The following MAGI2 variants were observed in gnomAD, a reference collection of about 807,000 sequenced individuals.
MAGI2 encodes the protein membrane associated guanylate kinase, WW and PDZ domain containing 2.
MAGI2 carries 35 observed loss-of-function variants against 133.3 expected under a neutral mutation model. The observed-to-expected ratio is 0.26, with a 90% confidence interval of 0.20 to 0.35. The LOEUF (loss-of-function observed/expected upper bound fraction) is 0.35, where lower values mean the gene tolerates loss of function less well. MAGI2 is among the 10% of genes least tolerant of loss of function. MAGI2 has a pLI of 1.00. For missense variants in MAGI2, 1,636 were observed against 1,863.4 expected (o/e 0.88, Z 2.25); for synonymous variants, 729 against 710.6 (o/e 1.03, Z -0.41).
intron 10 of MAGI2, among the ~76,000 whole-genome samples, chr7:78,207,406 G>T (rs10256412): frequency 0.51 from 77,396 of 151,894 alleles, 19,994 homozygotes; most frequent in Non-Finnish European, 0.55. Flanking sequence ...AGGGTTAATT[G>T]GATGGAGAAA....
intron 2 of MAGI2, among the ~76,000 whole-genome samples, chr7:78,889,530 T>A (rs1563628529): frequency 6.6e-6 from 1 of 152,218 alleles, no homozygotes; most frequent in Non-Finnish European, 1.5e-5. Flanking sequence ...AGTGGATCTC[T>A]CAGCAGAAAC....
intron 1 of MAGI2, among the ~76,000 whole-genome samples, chr7:79,145,098 G>A (rs1274452632): frequency 6.6e-6 from 1 of 152,074 alleles, no homozygotes; most frequent in Non-Finnish European, 1.5e-5. Flanking sequence ...CTTTAGGATT[G>A]GGAAGTTGTT....
intron 1 of MAGI2, among the ~76,000 whole-genome samples, chr7:79,185,789 A>G (rs2024255): frequency 0.17 from 25,525 of 151,592 alleles, 4,863 homozygotes; most frequent in African/African-American, 0.46. Context: ...CTTAAATGAG[A>G]AAGAAAATCC....
rs1008647562 is a variant in MAGI2 at position 78,019,615 on chromosome 7, G to A, written c.4068C>T (p.Asp1356=). ...EARAPGLAAA[D]AADAARAGGK... Reference sequence around the variant, plus strand: ...CGCCCGCCCGCGCCGCGTCCGCCGCGTCTGCCGCCGCGAGCCCGGGCGCCC... The same window carrying A: ...CGCCCGCCCGCGCCGCGTCCGCCGCATCTGCCGCCGCGAGCCCGGGCGCCC... The change falls in exon 22 of 22, where the codon GAC becomes GAT. Residue 1356 remains aspartate, a synonymous_variant. Coordinates refer to ENST00000354212, the MANE Select transcript of MAGI2 (RefSeq NM_012301.4). 3.2e-5 allele frequency: 32 copies of A among 986,030 alleles called. No individual in the cohort carries two copies. The highest frequency in any genetic ancestry group is 5.3e-5 in the African/African-American group (3 of 56,552). 61.1% of individuals were successfully genotyped at this position (986,030 alleles called of 1,614,324 possible).
intron 2 of MAGI2, among the ~76,000 whole-genome samples, chr7:78,983,258 A>C (rs1584575335): frequency 1.3e-5 from 2 of 152,114 alleles, no homozygotes; most frequent in East Asian, 3.9e-4. Context: ...CAAAAGGAAA[A>C]GTGTCAGGAA....
chr7:78,624,085 TGTTGA>T (rs1251413347), intron 3 of MAGI2, among the ~76,000 whole-genome samples: 1 of 152,168 alleles, frequency 6.6e-6, no homozygotes, highest in African/African-American at 2.4e-5. Context: ...TGATCAGTGA[TGTTGA>T]GTTTTTTTCA....
At chr7:78,861,810 T>C (rs942849674) in intron 2 of MAGI2, among the ~76,000 whole-genome samples, 1 of 152,240 alleles carries the variant, frequency 6.6e-6, no homozygotes, top group Non-Finnish European at 1.5e-5. Context: ...TTCTTAATGA[T>C]TAAATAGCAT....
intron 2 of MAGI2, among the ~76,000 whole-genome samples, chr7:78,681,402 T>C (rs891431195): frequency 4.6e-5 from 7 of 152,188 alleles, no homozygotes; most frequent in Admixed American, 2.0e-4. Flanking sequence ...AACTGTCACT[T>C]ACTATTACCC....
chr7:78,975,043 T>C (rs1364005999), intron 2 of MAGI2, among the ~76,000 whole-genome samples: 1 of 151,660 alleles, frequency 6.6e-6, no homozygotes, highest in Non-Finnish European at 1.5e-5. Context: ...CAAAAATTAA[T>C]ATAAATGAAA....
chr7:79,193,491 A>C (rs1441318796), intron 1 of MAGI2, among the ~76,000 whole-genome samples: 2 of 151,942 alleles, frequency 1.3e-5, no homozygotes, highest in African/African-American at 4.8e-5. Flanking sequence ...ACATATTATG[A>C]GTTGTGTAAT....
intron 1 of MAGI2, among the ~76,000 whole-genome samples, chr7:79,235,058 A>G (rs1210418948): frequency 6.6e-6 from 1 of 151,606 alleles, no homozygotes; most frequent in Non-Finnish European, 1.5e-5. Context: ...CTGCCGTGTG[A>G]GGTGTCAGTG....
intron 1 of MAGI2, among the ~76,000 whole-genome samples, chr7:79,073,603 T>C (rs1815193643): frequency 6.6e-6 from 1 of 152,116 alleles, no homozygotes; most frequent in Non-Finnish European, 1.5e-5. Flanking sequence ...TTATATCTTC[T>C]ATTCTTGCTC....
At chr7:78,466,950 C>A (rs1350053713) in intron 6 of MAGI2, among the ~76,000 whole-genome samples, 10 of 152,186 alleles carry the variant, frequency 6.6e-5, no homozygotes, top group African/African-American at 2.2e-4. Flanking sequence ...GGGTATCTGT[C>A]CCGGTGATAT....
chr7:78,819,673 A>C (rs1789917517), intron 2 of MAGI2, among the ~76,000 whole-genome samples: 1 of 152,038 alleles, frequency 6.6e-6, no homozygotes, highest in Non-Finnish European at 1.5e-5. Flanking sequence ...TTATATGAAC[A>C]ATTTCTCTAC....
chr7:78,646,523 A>G (rs1190522687), intron 2 of MAGI2, among the ~76,000 whole-genome samples: 1 of 152,206 alleles, frequency 6.6e-6, no homozygotes, highest in African/African-American at 2.4e-5. Flanking sequence ...TTGTTTTCAA[A>G]TGTTCACTAT....
rs76989845 is a variant in MAGI2 at position 78,515,239 on chromosome 7, A to G, written c.754+6191T>C. On this transcript the variant is annotated intron_variant, in intron 4 of 21. Coordinates refer to ENST00000354212, the MANE Select transcript of MAGI2 (RefSeq NM_012301.4). Reference sequence around the variant, plus strand: ...TCCTGAAGGAGAGTTCAATCTTTTAAAAAATTCAATTGACTTATCTATTAA... The same window carrying G: ...TCCTGAAGGAGAGTTCAATCTTTTAGAAAATTCAATTGACTTATCTATTAA... Among the ~76,000 whole-genome samples the G allele has an allele frequency of 4.4e-3, 675 of 152,300 alleles. 8 individuals are homozygous for G. The highest frequency in any genetic ancestry group is 0.016 in the African/African-American group (645 of 41,558).
At chr7:78,713,036 T>C (rs968616461) in intron 2 of MAGI2, among the ~76,000 whole-genome samples, 6 of 152,120 alleles carry the variant, frequency 3.9e-5, no homozygotes, top group Non-Finnish European at 8.8e-5. Context: ...ATCAGAAGAA[T>C]TGAAATGAAA....
At chr7:78,891,227 C>T (rs1381698548) in intron 2 of MAGI2, among the ~76,000 whole-genome samples, 2 of 152,102 alleles carry the variant, frequency 1.3e-5, no homozygotes, top group Non-Finnish European at 2.9e-5. Context: ...GAAATTGAGG[C>T]AATAATTAAT....
intron 21 of MAGI2, among the ~76,000 whole-genome samples, chr7:78,051,850 G>A (rs894247465): frequency 6.8e-5 from 10 of 147,830 alleles, no homozygotes; most frequent in African/African-American, 2.5e-4. Context: ...CTCCCATTGT[G>A]CTGGAATTGC....
Sources: allele counts gnomAD v4.1 joint callset (sites outside exome capture counted in the v4.1 genomes callset), GRCh38; gene constraint gnomAD v4.1.1; transcripts MANE v1.5; gene names NCBI Gene and HGNC (gene_info 2026-07-23, HGNC 2026-07-21).